CCDC30: variants seen among roughly 807,000 people sequenced by gnomAD.
CCDC30 encodes coiled-coil domain-containing protein 30.
A neutral mutation model predicts 100.2 loss-of-function variants in CCDC30; 70 were observed. The observed-to-expected ratio is 0.70, with a 90% CI of 0.58 to 0.85. The LOEUF is 0.85. CCDC30 is among the 40% of genes least tolerant of loss of function. The pLI, the probability that CCDC30 is intolerant of heterozygous loss-of-function variation, is 0.00. For missense variants in CCDC30, 652 were observed against 771.2 expected, an observed-to-expected ratio of 0.85 and a Z score of 1.83; for synonymous variants, 233 against 269.5, an observed-to-expected ratio of 0.86 and a Z score of 1.33.
intron 7 of CCDC30, 130 bp downstream of exon 11, chr1:42,566,605 A>G: frequency 1.5e-6 from 1 of 683,980 alleles, no homozygotes; most frequent in South Asian, 2.8e-5. Flanking sequence ...CTATCTGGTA[A>G]CTTCCTCCTT....
chr1:42,514,749 G>A (rs1227123355), intron 6 of CCDC30, among the ~76,000 whole-genome samples: 1 of 152,146 alleles, frequency 6.6e-6, no homozygotes, highest in East Asian at 1.9e-4. Context: ...AGCCTACCAG[G>A]TTCAAGTGAT....
chr1:42,647,291 T>C (rs1647966769), intron 15 of CCDC30, among the ~76,000 whole-genome samples: 1 of 152,124 alleles, frequency 6.6e-6, no homozygotes, highest in Non-Finnish European at 1.5e-5. Context: ...GAACTAGCTA[T>C]AGTCATATCA....
At chr1:42,493,981 A>AG (rs983697211) in intron 4 of CCDC30, among the ~76,000 whole-genome samples, 6 of 152,142 alleles carry the variant, frequency 3.9e-5, no homozygotes, top group South Asian at 4.1e-4. Flanking sequence ...TGGGAGGCCA[A>AG]GGGGGGTGAA....
At chr1:42,603,943 C>T (rs186370331) in intron 10 of CCDC30, among the ~76,000 whole-genome samples, 79 of 152,288 alleles carry the variant, frequency 5.2e-4, no homozygotes, top group African/African-American at 1.8e-3. Flanking sequence ...TGAAGGGACA[C>T]GCATAGTGGC....
chr1:42,597,864 T>TAA (rs958745882), intron 10 of CCDC30, among the ~76,000 whole-genome samples: 3 of 144,650 alleles, frequency 2.1e-5, no homozygotes, highest in African/African-American at 7.7e-5. Context: ...GAATCTGCCT[T>TAA]AAAAAAAAAA....
intron 3 of CCDC30, among the ~76,000 whole-genome samples, chr1:42,488,256 C>T (rs1290116863): frequency 6.6e-6 from 1 of 151,982 alleles, no homozygotes; most frequent in African/African-American, 2.4e-5. Context: ...AAAGTTACAA[C>T]CAATACAGTT....
At chr1:42,641,910 T>G (rs1371854293) in intron 12 of CCDC30, among the ~76,000 whole-genome samples, 1 of 148,536 alleles carries the variant, frequency 6.7e-6, no homozygotes, top group East Asian at 2.0e-4. Flanking sequence ...ACTTTCAGGG[T>G]CATGAAAAAG....
rs541387291 is a variant in CCDC30 at position 42,650,276 on chromosome 1, A to G, written c.1855-3100A>G. 6.6e-5 allele frequency among the ~76,000 whole-genome samples: 10 copies of G among 152,108 alleles called. No individual in the cohort carries two copies. The East Asian group carries it at 1.2e-3, about 18-fold the overall frequency. On this transcript the variant is annotated intron_variant, in intron 15 of 16. Transcript: ENST00000668663. ...GGGGGGCAGATTGCTTGGGCCCAGG[A>G]GTTTGAGACCAGCTTGTACCCAGGA...
intron 12 of CCDC30, among the ~76,000 whole-genome samples, chr1:42,637,642 C>G (rs1381651533): frequency 1.3e-5 from 2 of 152,174 alleles, no homozygotes; most frequent in Non-Finnish European, 2.9e-5. Context: ...GATGGAAATG[C>G]CTTTTCTTGA....
intron 6 of CCDC30, among the ~76,000 whole-genome samples, chr1:42,523,303 A>T (rs1644676138): frequency 6.6e-6 from 1 of 152,168 alleles, no homozygotes; most frequent in Non-Finnish European, 1.5e-5. Flanking sequence ...TCCCCCAGAC[A>T]TACCTAGGAA....
At chr1:42,611,430 A>T (rs571363928) in intron 11 of CCDC30, among the ~76,000 whole-genome samples, 2 of 152,042 alleles carry the variant, frequency 1.3e-5, no homozygotes, top group East Asian at 3.9e-4. Flanking sequence ...TCCTCATTTA[A>T]AGAGCTTTTT....
intron 11 of CCDC30, among the ~76,000 whole-genome samples, chr1:42,620,972 G>A (rs1303134361): frequency 6.6e-5 from 10 of 152,078 alleles, no homozygotes; most frequent in Non-Finnish European, 1.3e-4. Context: ...TTTTTTGAAA[G>A]TTTCATGAGG....
chr1:42,517,622 A>C (rs1467019651), intron 6 of CCDC30, among the ~76,000 whole-genome samples: 1 of 137,116 alleles, frequency 7.3e-6, no homozygotes, highest in African/African-American at 2.8e-5. Context: ...TGTCTAACTT[A>C]GTTTTTTTCA....
At chr1:42,463,138 G>A (rs1416938744), upstream of CCDC30, among the ~76,000 whole-genome samples, 2 of 152,206 alleles carry the variant, frequency 1.3e-5, no homozygotes, top group Non-Finnish European at 2.9e-5. Context: ...GATACGGCCG[G>A]GACAACTCCG....
At position 42,543,175 on chromosome 1, in the gene CCDC30, A is replaced by G. The variant is rs144077342; in HGVS notation, c.457-23121A>G. On this transcript the variant is annotated intron_variant, in intron 6 of 16. Transcript: ENST00000668663. ...TTTTTAGTAGAGACGGGATTTCACT[A>G]TGTTGGCCAGGCTGGTCTTGAACTC... Among the ~76,000 whole-genome samples the G allele has an allele frequency of 4.2e-3, 632 of 149,388 alleles. 2 individuals carry two copies. The highest frequency in any genetic ancestry group is 9.2e-3 in the African/African-American group (373 of 40,600).
In CCDC30 at chr1:42,490,002, G is replaced by A. The variant is rs957482715; in HGVS notation, c.170-156G>A. 3.3e-5 allele frequency: 11 copies of A among 331,132 alleles called. No individual in the cohort carries two copies. The Admixed American group carries it at 4.4e-4, about 13-fold the overall frequency. The allele number at this position is 331,132 out of a possible 1,614,324, so 20.5% of individuals were successfully genotyped here. ...GTGCAGTAGGAACTCTAAGAGAGAAGTCTGGGAAAATTCCCTGAGGAGCTG... is the reference window on the plus strand; with the variant it reads ...GTGCAGTAGGAACTCTAAGAGAGAAATCTGGGAAAATTCCCTGAGGAGCTG... On this transcript the variant is annotated intron_variant, in intron 3 of 16. Transcript: ENST00000668663.
chr1:42,464,229 CATT>C (rs1244862973), intron 1 of CCDC30: 1 of 151,938 alleles, frequency 6.6e-6, no homozygotes, highest in East Asian at 1.9e-4. Flanking sequence ...TAAATATAAA[CATT>C]AAATACTGTA....
chr1:42,653,496 C>G, intron 16 of CCDC30, 53 bp downstream of exon 20: 2 of 1,183,980 alleles, frequency 1.7e-6, no homozygotes, highest in Non-Finnish European at 2.5e-6. Flanking sequence ...GGACTGTCAG[C>G]CATGCCTGAG....
intron 4 of CCDC30, among the ~76,000 whole-genome samples, chr1:42,490,547 TTAC>T (rs142785295): frequency 1.7e-4 from 26 of 151,528 alleles, no homozygotes; most frequent in Admixed American, 3.3e-4. Context: ...ACTGTTATTA[TTAC>T]TACTACTACT....
Sources: allele counts gnomAD v4.1 joint callset (sites outside exome capture counted in the v4.1 genomes callset), GRCh38; gene constraint gnomAD v4.1.1; transcripts MANE v1.5; gene names NCBI Gene and HGNC (gene_info 2026-07-23, HGNC 2026-07-21).